The following RBMS1 variants were observed in gnomAD, a reference collection of about 807,000 sequenced individuals.
RBMS1 encodes the protein RNA binding motif single stranded interacting protein 1.
Under a neutral mutation model 62.3 loss-of-function variants are expected in RBMS1, and 17 were observed. That is an observed-to-expected ratio of 0.27 (90% CI 0.19 to 0.41). The LOEUF (loss-of-function observed/expected upper bound fraction) is 0.41. Ranked by LOEUF, RBMS1 falls within the 10% of genes least tolerant of loss-of-function variation. The probability of loss-of-function intolerance (pLI) is 1.00; values close to 1 mark genes in which losing one functional copy is unlikely to be tolerated. For missense variants in RBMS1, 334 were observed against 504.5 expected (o/e 0.66, Z 3.24); for synonymous variants, 172 against 170.0 (o/e 1.01, Z -0.09).
Position 160,304,895 on chromosome 2 carries a change from G to A in RBMS1, c.403-1408C>T, listed in dbSNP as rs565163759. Reference sequence around the variant, plus strand: ...TTTTTGAGATGGAGTCTTGCTCTGTGCCAGGATGGAGTGCAGTGGCGCGAT... The same window carrying A: ...TTTTTGAGATGGAGTCTTGCTCTGTACCAGGATGGAGTGCAGTGGCGCGAT... On this transcript the variant is annotated intron_variant, in intron 4 of 13. Coordinates refer to ENST00000348849, the MANE Select transcript of RBMS1 (RefSeq NM_016836.4). Among the ~76,000 whole-genome samples, 3 of 152,212 alleles carry A rather than the reference G, an allele frequency of 2.0e-5. No individual in the cohort carries two copies. The South Asian group carries it at 6.2e-4, about 32-fold the overall frequency.
chr2:160,319,769 C>A (rs1690450890), intron 2 of RBMS1, among the ~76,000 whole-genome samples: 1 of 152,090 alleles, frequency 6.6e-6, no homozygotes, highest in Non-Finnish European at 1.5e-5. Flanking sequence ...ATTTTATGCA[C>A]TGAAACAAGC....
At chr2:160,342,561 A>C (rs1001071170) in intron 2 of RBMS1, among the ~76,000 whole-genome samples, 1 of 152,066 alleles carries the variant, frequency 6.6e-6, no homozygotes, top group Non-Finnish European at 1.5e-5. Flanking sequence ...TGTGTGAAAA[A>C]TGTTAGATTG....
intron 1 of RBMS1, among the ~76,000 whole-genome samples, chr2:160,389,088 C>A (rs887271525): frequency 1.3e-5 from 2 of 152,242 alleles, no homozygotes; most frequent in Non-Finnish European, 2.9e-5. Context: ...AAGGGTGGAG[C>A]ACCTCTAGGC....
chr2:160,332,399 T>C (rs1161580169), intron 2 of RBMS1, among the ~76,000 whole-genome samples: 1 of 152,170 alleles, frequency 6.6e-6, no homozygotes, highest in Non-Finnish European at 1.5e-5. Context: ...CTTGTATGAA[T>C]TGACCATGCC....
chr2:160,291,752 G>C (rs1339765020), intron 6 of RBMS1, among the ~76,000 whole-genome samples: 1 of 152,030 alleles, frequency 6.6e-6, no homozygotes, highest in African/African-American at 2.4e-5. Context: ...CTCCTGCTGG[G>C]TTTGAGTTTT....
At chr2:160,291,278 T>TATTTTATCC (rs1574224997) in intron 6 of RBMS1, among the ~76,000 whole-genome samples, 2 of 152,308 alleles carry the variant, frequency 1.3e-5, no homozygotes, top group East Asian at 1.9e-4. Context: ...AGTTATGCTG[T>TATTTTATCC]ATTTTATCCT....
chr2:160,277,554 A>T (rs949541451), intron 11 of RBMS1, 171 bp from the exon 12 acceptor site: 2 of 428,752 alleles, frequency 4.7e-6, no homozygotes, highest in Non-Finnish European at 8.3e-6. Flanking sequence ...ATGGAAGGTA[A>T]ACTGTTTTCT....
chr2:160,320,817 T>C (rs1308236812), intron 2 of RBMS1, among the ~76,000 whole-genome samples: 7 of 152,082 alleles, frequency 4.6e-5, no homozygotes, highest in Admixed American at 4.6e-4. Flanking sequence ...CTAGCATAAG[T>C]ATTCCTTTAC....
chr2:160,408,011 C>T (rs1695855819), intron 1 of RBMS1: 7 of 776,238 alleles, frequency 9.0e-6, no homozygotes, highest in African/African-American at 1.9e-5. Flanking sequence ...CCTGCCGCCC[C>T]ATCGCCCGCC....
chr2:160,396,848 C>A (rs1483435428), intron 1 of RBMS1, among the ~76,000 whole-genome samples: 3 of 152,172 alleles, frequency 2.0e-5, no homozygotes, highest in Admixed American at 1.3e-4. Context: ...CAGGCGTGAG[C>A]CACCGCGCCC....
intron 1 of RBMS1, among the ~76,000 whole-genome samples, chr2:160,374,935 G>A (rs981953260): frequency 1.3e-5 from 2 of 151,968 alleles, no homozygotes; most frequent in East Asian, 1.9e-4. Context: ...CATCTCGGGC[G>A]GGGGACGGTG....
intron 6 of RBMS1, among the ~76,000 whole-genome samples, chr2:160,291,422 C>T (rs576870248): frequency 9.2e-5 from 14 of 152,326 alleles, no homozygotes; most frequent in Admixed American, 3.9e-4. Context: ...CCTCAACTCA[C>T]AAAATGCAAG....
chr2:160,408,003 T>A, intron 1 of RBMS1: 4 of 803,550 alleles, frequency 5.0e-6, no homozygotes, highest in East Asian at 1.4e-4. Context: ...GCGCGGCGCC[T>A]GCCGCCCCAT....
At chr2:160,328,495 A>T (rs1297474246) in intron 2 of RBMS1, among the ~76,000 whole-genome samples, 7 of 152,146 alleles carry the variant, frequency 4.6e-5, no homozygotes, top group African/African-American at 1.4e-4. Flanking sequence ...TCCCCCAAAA[A>T]GTGTTTGGTG....
intron 1 of RBMS1, among the ~76,000 whole-genome samples, chr2:160,426,549 C>T (rs914938296): frequency 2.6e-5 from 4 of 152,138 alleles, no homozygotes; most frequent in Admixed American, 1.3e-4. Context: ...ATGTGACATA[C>T]ATGAGTTAAT....
intron 2 of RBMS1, among the ~76,000 whole-genome samples, chr2:160,356,722 T>C (rs1692822399): frequency 6.6e-6 from 1 of 152,178 alleles, no homozygotes; most frequent in Admixed American, 6.6e-5. Context: ...TCCAGAACCA[T>C]AGCCAAATTA....
At chr2:160,398,155 G>GGCCAAACCAAACTCA (rs1695242142) in intron 1 of RBMS1, among the ~76,000 whole-genome samples, 1 of 152,110 alleles carries the variant, frequency 6.6e-6, no homozygotes, top group South Asian at 2.1e-4. Context: ...AAGTTAAAAT[G>GGCCAAACCAAACTCA]GCCAAACCAA....
At chr2:160,315,129 CTG>C (rs1370796680) in intron 3 of RBMS1, among the ~76,000 whole-genome samples, 1 of 152,102 alleles carries the variant, frequency 6.6e-6, no homozygotes, top group African/African-American at 2.4e-5. Flanking sequence ...ATTCTGTTAT[CTG>C]TTATTTTCTT....
chr2:160,445,312 TA>T (rs1683598084), intron 1 of RBMS1, among the ~76,000 whole-genome samples: 1 of 152,212 alleles, frequency 6.6e-6, no homozygotes. Flanking sequence ...AATATAAATG[TA>T]AAAGTTTCTG....
Sources: allele counts gnomAD v4.1 joint callset (sites outside exome capture counted in the v4.1 genomes callset), GRCh38; gene constraint gnomAD v4.1.1; transcripts MANE v1.5; gene names NCBI Gene and HGNC (gene_info 2026-07-23, HGNC 2026-07-21).